ARB2A: variants seen among roughly 807,000 people sequenced by gnomAD.
ARB2A encodes ARB2 cotranscriptional regulator A.
At chr5:94,077,057 T>C in the ARB2A span, among the ~76,000 whole-genome samples, 1 of 152,062 alleles carries the variant, frequency 6.6e-6, no homozygotes, top group Non-Finnish European at 1.5e-5. Context: ...ACAAAGCAAT[T>C]TGCTGGAGTA....
chr5:94,053,349 A>G, the ARB2A span: 12 of 551,944 alleles, frequency 2.2e-5, no homozygotes, highest in Admixed American at 3.6e-5. Context: ...GCTTTAACTG[A>G]TAATGCTACT....
chr5:94,046,686 C>T, the ARB2A span, among the ~76,000 whole-genome samples: 1 of 152,132 alleles, frequency 6.6e-6, no homozygotes, highest in African/African-American at 2.4e-5. Context: ...CTGTTTGTGC[C>T]TCTTTCCTCA....
the ARB2A span, among the ~76,000 whole-genome samples, chr5:94,013,338 C>G: frequency 6.6e-6 from 1 of 151,916 alleles, no homozygotes; most frequent in African/African-American, 2.4e-5. Context: ...CCACCACGCC[C>G]AGCTAATTTT....
the ARB2A span, among the ~76,000 whole-genome samples, chr5:93,922,807 T>G: frequency 6.6e-6 from 1 of 152,096 alleles, no homozygotes; most frequent in Non-Finnish European, 1.5e-5. Flanking sequence ...TTAGACAACG[T>G]GGCGGAAGCT....
the ARB2A span, among the ~76,000 whole-genome samples, chr5:94,106,267 G>A: frequency 6.6e-6 from 1 of 151,752 alleles, no homozygotes; most frequent in South Asian, 2.1e-4. Flanking sequence ...GATCTATAAG[G>A]AACTTAAACA....
At chr5:94,070,751 A>G in the ARB2A span, among the ~76,000 whole-genome samples, 1,984 of 152,106 alleles carry the variant, frequency 0.013, 18 homozygotes, top group Non-Finnish European at 0.017. Flanking sequence ...AACACAAACA[A>G]AAAAAGGGGG....
the ARB2A span, among the ~76,000 whole-genome samples, chr5:93,904,176 C>G: frequency 6.6e-6 from 1 of 151,932 alleles, no homozygotes. Context: ...TCATTCACGT[C>G]AGGGCTAATG....
At chr5:93,881,105 C>T in the ARB2A span, among the ~76,000 whole-genome samples, 1 of 151,620 alleles carries the variant, frequency 6.6e-6, no homozygotes, top group Non-Finnish European at 1.5e-5. Flanking sequence ...AACATAACGG[C>T]ATGTTATGCT....
the ARB2A span, among the ~76,000 whole-genome samples, chr5:94,088,027 G>A: frequency 2.0e-5 from 3 of 152,156 alleles, no homozygotes; most frequent in Non-Finnish European, 4.4e-5. Flanking sequence ...TAGTGGCATT[G>A]CCTTTTATAA....
chr5:93,909,211 A>G, the ARB2A span, among the ~76,000 whole-genome samples: 3 of 151,240 alleles, frequency 2.0e-5, no homozygotes, highest in Non-Finnish European at 4.5e-5. Flanking sequence ...TAATGGACAT[A>G]TGAATAAGTT....
chr5:94,074,021 C>A, the ARB2A span, among the ~76,000 whole-genome samples: 1 of 152,084 alleles, frequency 6.6e-6, no homozygotes, highest in African/African-American at 2.4e-5. Flanking sequence ...TGATTCTTAA[C>A]CTATTTTACT....
the ARB2A span, among the ~76,000 whole-genome samples, chr5:93,706,673 C>T: frequency 2.6e-5 from 4 of 152,138 alleles, no homozygotes; most frequent in South Asian, 8.3e-4. Context: ...TGAGACCATC[C>T]TGGCCAACAT....
the ARB2A span, among the ~76,000 whole-genome samples, chr5:94,051,963 G>A: frequency 6.6e-6 from 1 of 152,046 alleles, no homozygotes; most frequent in African/African-American, 2.4e-5. Context: ...GGGACCACAG[G>A]CGCATGCCAC....
At chr5:94,021,924 A>T in the ARB2A span, among the ~76,000 whole-genome samples, 3 of 152,146 alleles carry the variant, frequency 2.0e-5, no homozygotes, top group East Asian at 3.9e-4. Context: ...CAAAAACATT[A>T]GTTGAGAGTA....
chr5:94,024,345 C>G, the ARB2A span, among the ~76,000 whole-genome samples: 1 of 152,194 alleles, frequency 6.6e-6, no homozygotes, highest in Admixed American at 6.5e-5. Context: ...CAAACTGCAA[C>G]TCATTCCTGA....
chr5:93,789,380 T>C, the ARB2A span, among the ~76,000 whole-genome samples: 1 of 152,192 alleles, frequency 6.6e-6, no homozygotes, highest in Non-Finnish European at 1.5e-5. Context: ...AGGTTTGAGA[T>C]GCCTTTAAAA....
the ARB2A span, among the ~76,000 whole-genome samples, chr5:93,767,565 A>G: frequency 6.6e-6 from 1 of 152,154 alleles, no homozygotes; most frequent in African/African-American, 2.4e-5. Flanking sequence ...TGAAAAAGAT[A>G]CTTGCACACA....
the ARB2A span, among the ~76,000 whole-genome samples, chr5:94,040,907 G>A: frequency 1.3e-5 from 2 of 152,068 alleles, no homozygotes; most frequent in African/African-American, 2.4e-5. Context: ...TTCGTCACAC[G>A]TATTTTGCTC....
the ARB2A span, among the ~76,000 whole-genome samples, chr5:93,718,426 G>C: frequency 2.0e-5 from 3 of 151,910 alleles, no homozygotes. Context: ...AATGGAGCGA[G>C]ACTCCGTCTC....
Sources: gnomAD v4.1 joint callset for allele counts (sites outside exome capture counted in the v4.1 genomes callset) on GRCh38, gnomAD v4.1.1 for gene constraint, MANE v1.5 for transcripts, NCBI Gene and HGNC (gene_info 2026-07-23, HGNC 2026-07-21) for gene names.